LRWD1: variants seen among roughly 807,000 people sequenced by gnomAD.
LRWD1 encodes leucine rich repeats and WD repeat domain containing 1.
A neutral mutation model predicts 75.6 loss-of-function variants in LRWD1; 76 were observed. The ratio of observed to expected loss-of-function variants is 1.01; its 90% CI spans 0.84 to 1.22. The LOEUF is 1.22. Ranked by LOEUF, LRWD1 falls within the 50% of genes most tolerant of loss-of-function variation. The probability of loss-of-function intolerance (pLI) is 0.00; values close to 1 mark genes in which losing one functional copy is unlikely to be tolerated. For missense variants in LRWD1, 917 were observed against 862.0 expected (o/e 1.06, Z -0.80); for synonymous variants, 487 against 377.0 (o/e 1.29, Z -3.38).
chr7:102,472,724 GGCAACGTGTGGCTCTACGACGTCA>G lies in LRWD1; in HGVS notation c.1729_1752del (p.Val577_Asn584del). On this transcript the variant is annotated inframe_deletion, in exon 14 of 15. Coordinates refer to ENST00000292616, the MANE Select transcript of LRWD1 (RefSeq NM_152892.3). ...GATTGTGCTCTGTGGGGATGAGGAGGGCAACGTGTGGCTCTACGACGTCAGCAACATCCTGAAGCAGCCACCCCT... is the reference window on the plus strand; with the variant it reads ...GATTGTGCTCTGTGGGGATGAGGAGGGCAACATCCTGAAGCAGCCACCCCT... 1 of 1,613,548 alleles carries G rather than the reference GGCAACGTGTGGCTCTACGACGTCA, an allele frequency of 6.2e-7. No individual in the cohort carries two copies. The highest frequency in any genetic ancestry group is 8.5e-7 in the Non-Finnish European group (1 of 1,179,948).
At chr7:102,467,173 T>G (rs879890351) in intron 3 of LRWD1, among the ~76,000 whole-genome samples, 166 bp from the exon 4 acceptor site, 1,452 of 60,206 alleles carry the variant, frequency 0.024, 83 homozygotes, top group Non-Finnish European at 0.028. Context: ...GTGTGTGGGG[T>G]GTGTGTGTGT....
At chr7:102,469,673 T>C in intron 10 of LRWD1, 27 bp downstream of exon 10, 2 of 1,613,710 alleles carry the variant, frequency 1.2e-6, no homozygotes, top group Non-Finnish European at 1.7e-6. Context: ...GGCTGGGGAG[T>C]GGCCAGCTGC....
rs1798230215 is a variant in LRWD1, at chr7:102,472,505, CGTG to C, written c.1588_1590del (p.Trp530del). 3 of 1,551,120 alleles carry C rather than the reference CGTG, an allele frequency of 1.9e-6. No individual in the cohort carries two copies. The highest frequency in any genetic ancestry group is 1.4e-5 in the African/African-American group (1 of 73,542). On this transcript the variant is annotated inframe_deletion, in exon 13 of 15. Transcript: ENST00000292616. ...ATCTGCCTGTGGAGCTGGAGGCAGACGTGGGGGGGCCGGGGCAGCCAGTCCACG... is the reference window on the plus strand; with the variant it reads ...ATCTGCCTGTGGAGCTGGAGGCAGACGGGGGGCCGGGGCAGCCAGTCCACG...
rs376951486 is a variant in LRWD1 at position 102,473,059 on chromosome 7, A to G, written c.*10A>G. ...CTGGGGGAGGATGTAGCCTCACACC[A>G]TCGCAAAGGACCAGGGACACAGCTA... is the stretch of plus-strand genomic sequence containing the variant. On this transcript the variant is annotated 3_prime_UTR_variant, in exon 15 of 15. Transcript: ENST00000292616. 3.6e-4 allele frequency: 578 copies of G among 1,604,092 alleles called. No homozygotes were observed. Among genetic ancestry groups the G allele is most frequent in the Non-Finnish European group, 4.8e-4 (558 of 1,174,650 alleles).
In LRWD1 at chr7:102,472,976, T is replaced by G; in HGVS notation, c.1871T>G (p.Val624Gly). 1 of 1,614,032 alleles carries G rather than the reference T, an allele frequency of 6.2e-7. No individual in the cohort carries two copies. The highest frequency in any genetic ancestry group is 8.5e-7 in the Non-Finnish European group (1 of 1,180,004). The change falls in exon 15 of 15, where the codon GTG becomes GGG. Residue 624 changes from valine to glycine, a missense_variant. By Grantham distance (109) the Val-to-Gly change is moderately radical. Coordinates refer to ENST00000292616, the MANE Select transcript of LRWD1 (RefSeq NM_152892.3). The part of the protein sequence containing the change: ...VVTKTMVNTV[V>G]ANASFTYLTA... The stretch of plus-strand genomic sequence containing the variant: ...ACCAAGACCATGGTGAACACAGTGG[T>G]GGCCAATGCCTCCTTCACCTACCTC...
chr7:102,469,040 C>A lies in LRWD1; in HGVS notation c.1206C>A (p.Pro402=). 1.2e-6 allele frequency: 2 copies of A among 1,609,194 alleles called. No homozygotes were observed. ...CCATCGCCACCCTGTGCTTCAGCCC[C>A]GCCCACGAGACCCATCTCTTCAGTA... ...KKAIATLCFS[P]AHETHLFTAS... The change falls in exon 9 of 15, where the codon CCC becomes CCA. Residue 402 remains proline (P), a synonymous_variant. Coordinates refer to ENST00000292616, the MANE Select transcript of LRWD1 (RefSeq NM_152892.3).
At chr7:102,472,405 A>T (rs779484562) in intron 12 of LRWD1, 49 bp from the exon 13 acceptor site, 60 of 1,548,736 alleles carry the variant, frequency 3.9e-5, no homozygotes, top group Non-Finnish European at 4.6e-5. Context: ...TAGTGGGAGA[A>T]GGTGTCTGGG....
rs745949438 is a variant in LRWD1, at chr7:102,465,066, C to T, written c.-15C>T. On this transcript the variant is annotated 5_prime_UTR_variant, in exon 1 of 15. Transcript: ENST00000292616. ...GGGTGGCCGACTGGGTCAGCGCGGG[C>T]TGCGCCTCCTCGCCATGGGCCCCCT... The T allele has an allele frequency of 6.2e-5, 92 of 1,479,048 alleles. No individual in the cohort carries two copies. The East Asian group carries it at 2.1e-3, about 33-fold the overall frequency. The allele number at this position is 1,479,048 out of a possible 1,614,324, so 91.6% of individuals were successfully genotyped here. A position where few individuals can be genotyped will look rare whatever the true frequency, so the allele number is the denominator to read the frequency against.
chr7:102,469,102 CCT>C (rs748197254), intron 9 of LRWD1, 40 bp downstream of exon 9: 20 of 1,519,784 alleles, frequency 1.3e-5, no homozygotes, highest in Non-Finnish European at 1.6e-5. Context: ...CCCAAGCACC[CCT>C]GTCCTGCTGC....
Position 102,472,589 on chromosome 7 carries a change from T to A in LRWD1, c.1670T>A (p.Phe557Tyr). The part of the protein sequence containing the change: ...LQWSSTELAY[F>Y]SLSACPDKGI... The stretch of plus-strand genomic sequence containing the variant: ...TGGTCGTCCACCGAGTTGGCCTACT[T>A]CTCGCTCAGCGCCTGCCCTGGTGAG... Residue 557 changes from phenylalanine to tyrosine, a missense_variant, in exon 13 of 15, where the codon TTC becomes TAC. Physicochemically the swap from Phe to Tyr is conservative, Grantham distance 22 (BLOSUM62 3). Coordinates refer to ENST00000292616, the MANE Select transcript of LRWD1 (RefSeq NM_152892.3). 6.2e-7 allele frequency: 1 copy of A among 1,608,778 alleles called. No individual in the cohort carries two copies. Among genetic ancestry groups the A allele is most frequent in the South Asian group, 1.1e-5 (1 of 90,796 alleles).
rs1321514255 is a variant in LRWD1, at chr7:102,467,334, A to T, written c.433-5A>T. The T allele has an allele frequency of 6.2e-7, 1 of 1,600,604 alleles. No homozygotes were observed. The highest frequency in any genetic ancestry group is 8.5e-7 in the Non-Finnish European group (1 of 1,174,050). On this transcript the variant is annotated splice_polypyrimidine_tract_variant and splice_region_variant and intron_variant, in intron 3 of 14. Transcript: ENST00000292616. ...CGGGCCTGGATCTGGTCCCTCTTGC[A>T]CCAGGTCACAGCTCACTGGGAGAAG...
At chr7:102,467,579 G>A in intron 4 of LRWD1, 100 bp downstream of exon 4, 4 of 1,542,744 alleles carry the variant, frequency 2.6e-6, no homozygotes, top group East Asian at 2.4e-5. Flanking sequence ...TGGGAGTGGG[G>A]TGAGTCAGGG....
In LRWD1 at chr7:102,466,185, T is replaced by C; in HGVS notation, c.347T>C (p.Leu116Pro). 1 of 1,614,216 alleles carries C rather than the reference T, an allele frequency of 6.2e-7. No individual in the cohort carries two copies. Among genetic ancestry groups the C allele is most frequent in the Non-Finnish European group, 8.5e-7 (1 of 1,180,040 alleles). The change falls in exon 3 of 15, where the codon CTG becomes CCG. Residue 116 changes from leucine (L) to proline (P), a missense_variant. Physicochemically the swap from Leu to Pro is moderately conservative, Grantham distance 98. Transcript: ENST00000292616. ...VNDNLKVSFL[L>P]PTLRKVNGKD... ...GACAACCTGAAAGTCTCCTTTCTCC[T>C]GCCCACGCTCCGTAAGGTCAATGGC...
intron 3 of LRWD1, among the ~76,000 whole-genome samples, 168 bp from the exon 4 acceptor site, chr7:102,467,150 TTGTTGCTGGGGTGTGTGTGGG>T (rs1563654081): frequency 4.3e-4 from 31 of 71,278 alleles, no homozygotes; most frequent in East Asian, 1.6e-3. Context: ...GGCACCTGGG[TTGTTGCTGGGGTGTGTGTGGG>T]GTGTGTGTGT....
At chr7:102,472,104 G>A in intron 11 of LRWD1, 114 bp from the exon 12 acceptor site, 1 of 939,102 alleles carries the variant, frequency 1.1e-6, no homozygotes, top group African/African-American at 1.6e-5. Context: ...GGCATCTTCT[G>A]TGCAGCCTTC....
chr7:102,464,993 G>T lies in LRWD1; in HGVS notation c.-88G>T, dbSNP rs1797912198. The T allele has an allele frequency of 1.5e-6, 2 of 1,349,916 alleles. No homozygotes were observed. Among genetic ancestry groups the T allele is most frequent in the East Asian group, 3.1e-5 (1 of 32,142 alleles). The allele number at this position is 1,349,916 out of a possible 1,614,324, so 83.6% of individuals were successfully genotyped here. On this transcript the variant is annotated 5_prime_UTR_variant, in exon 1 of 15. Transcript: ENST00000292616. ...GCCGCCTCCTGGGCTCAGTTACCGC[G>T]GACGCCAGTGCCGGGCTCCAGGAGA...
chr7:102,467,292 G>A (rs1249592816), intron 3 of LRWD1, 47 bp from the exon 4 acceptor site: 2 of 1,553,394 alleles, frequency 1.3e-6, no homozygotes, highest in Admixed American at 1.9e-5. Flanking sequence ...GCTGGGTCCG[G>A]AGGAGCTGGG....
At position 102,468,053 on chromosome 7, in the gene LRWD1, C is replaced by T. The variant is rs1451004484; in HGVS notation, c.679-9C>T. 2.5e-6 allele frequency: 4 copies of T among 1,605,924 alleles called. No homozygotes were observed. Among genetic ancestry groups the T allele is most frequent in the South Asian group, 2.2e-5 (2 of 90,734 alleles). On this transcript the variant is annotated splice_polypyrimidine_tract_variant and intron_variant, in intron 5 of 14. Transcript: ENST00000292616. The stretch of plus-strand genomic sequence containing the variant: ...AGACAGGCCCATGGTCACAAGGCCC[C>T]CTCCACAGGCCAGACTGGCGGCCTT...
chr7:102,471,447 G>C (rs1798182315), intron 11 of LRWD1: 1 of 154,606 alleles, frequency 6.5e-6, no homozygotes, highest in African/African-American at 2.4e-5. Context: ...GAAAGGAGCA[G>C]CAGGGGCCTT....
Sources: gnomAD v4.1 joint callset for allele counts (sites outside exome capture counted in the v4.1 genomes callset) on GRCh38, gnomAD v4.1.1 for gene constraint, MANE v1.5 for transcripts, NCBI Gene and HGNC (gene_info 2026-07-23, HGNC 2026-07-21) for gene names.